ITGA7: variants seen among roughly 807,000 people sequenced by gnomAD.
The protein encoded by ITGA7 is integrin subunit alpha 7, also known as integrin alpha-7.
Under a neutral mutation model 131.6 loss-of-function variants are expected in ITGA7, and 84 were observed. That is an observed-to-expected ratio of 0.64 (90% CI 0.54 to 0.77). The LOEUF (loss-of-function observed/expected upper bound fraction) is 0.77, where lower values mean the gene tolerates loss of function less well. ITGA7 is among the 30% of genes least tolerant of loss of function. The pLI is 0.00. For missense variants in ITGA7, 1,399 were observed against 1,482.9 expected, an observed-to-expected ratio of 0.94 and a Z score of 0.93; for synonymous variants, 548 against 600.7, an observed-to-expected ratio of 0.91 and a Z score of 1.28.
At chr12:55,695,394 G>A (rs1038957665) in intron 14 of ITGA7, 128 bp downstream of exon 14, 6 of 713,482 alleles carry the variant, frequency 8.4e-6, no homozygotes, top group Non-Finnish European at 1.5e-5. Flanking sequence ...CCATCGGCAG[G>A]TCCTCTTCCA....
At chr12:55,705,349 G>C (rs1291183032) in intron 1 of ITGA7, among the ~76,000 whole-genome samples, 1 of 150,020 alleles carries the variant, frequency 6.7e-6, no homozygotes, top group Admixed American at 6.7e-5. Context: ...CAGCCACAGT[G>C]TAGCCACTGC....
At chr12:55,706,308 T>G (rs1875168544) in intron 1 of ITGA7, among the ~76,000 whole-genome samples, 1 of 151,996 alleles carries the variant, frequency 6.6e-6, no homozygotes, top group Non-Finnish European at 1.5e-5. Context: ...CCCAAAGTTT[T>G]GGGGACCACC....
chr12:55,711,941 C>T (rs558929054), upstream of ITGA7: 10 of 793,906 alleles, frequency 1.3e-5, no homozygotes, highest in African/African-American at 1.7e-4. Flanking sequence ...TTCCAGAACA[C>T]ACACTTCAGG....
At chr12:55,700,194 A>C in intron 4 of ITGA7, 1 of 1,532,986 alleles carries the variant, frequency 6.5e-7, no homozygotes, top group Non-Finnish European at 8.8e-7. Context: ...GGATGGGAGC[A>C]TGGAGAGAGA....
At chr12:55,711,956 A>T (rs1876157318), upstream of ITGA7, 1 of 893,886 alleles carries the variant, frequency 1.1e-6, no homozygotes, top group Non-Finnish European at 1.8e-6. Context: ...TTCAGGGCTA[A>T]CTTCTCCCTC....
Position 55,698,867 on chromosome 12 carries a change from A to T in ITGA7, c.841T>A (p.Phe281Ile). ...KGLVRAEELS[F>I]VAGAPRANHK... is the part of the protein sequence containing the mutation. Reference sequence around the variant, plus strand: ...TTGGCGCGGGGGGCTCCAGCCACAAAGCTCAGCTCTTCTGCACGCACCAGA... The same window carrying T: ...TTGGCGCGGGGGGCTCCAGCCACAATGCTCAGCTCTTCTGCACGCACCAGA... The change falls in exon 6 of 25, where the codon TTT (phenylalanine) becomes ATT (isoleucine). Residue 281 changes from phenylalanine to isoleucine, a missense_variant. Coordinates refer to ENST00000257879, the MANE Select transcript of ITGA7 (RefSeq NM_002206.3). 1 of 1,613,970 alleles carries T rather than the reference A, an allele frequency of 6.2e-7. No individual in the cohort carries two copies. The highest frequency in any genetic ancestry group is 1.1e-5 in the South Asian group (1 of 91,072).
At chr12:55,701,523 T>C in intron 3 of ITGA7, 1 of 1,037,870 alleles carries the variant, frequency 9.6e-7, no homozygotes, top group Non-Finnish European at 1.5e-6. Flanking sequence ...CCTGGACCTT[T>C]GTAAGTGTCA....
In ITGA7 at chr12:55,696,889, C is replaced by CA; in HGVS notation, c.1737+9dup. On this transcript the variant is annotated intron_variant, in intron 12 of 24. Transcript: ENST00000257879. Reference sequence around the variant, plus strand: ...AAATGACCCTCAGAAGCCAAGGGGTCAGTGTCCACCTGGAGCTGGAACATG... The same window carrying CA: ...AAATGACCCTCAGAAGCCAAGGGGTCAAGTGTCCACCTGGAGCTGGAACATG... 2.5e-6 allele frequency: 4 copies of CA among 1,613,926 alleles called. No individual in the cohort carries two copies. Among genetic ancestry groups the CA allele is most frequent in the Non-Finnish European group, 3.4e-6 (4 of 1,179,944 alleles).
rs201774458 is a variant in ITGA7 at position 55,697,282 on chromosome 12, G to C, written c.1506-5C>G. 6.3e-7 allele frequency: 1 copy of C among 1,591,260 alleles called. No individual in the cohort carries two copies. The highest frequency in any genetic ancestry group is 8.6e-7 in the Non-Finnish European group (1 of 1,168,918). On this transcript the variant is annotated splice_region_variant and splice_polypyrimidine_tract_variant and intron_variant, in intron 10 of 24. Transcript: ENST00000257879. ...AAACAGACCCTTAGGTCCACACTGC[G>C]GGGGCAAAGGTGGCTCCTGAGCCAA...
chr12:55,685,228 T>C lies in ITGA7; in HGVS notation c.3244A>G (p.Lys1082Glu). The change falls in exon 25 of 25, where the codon AAG becomes GAG. Residue 1082 changes from lysine to glutamate, a missense_variant. Transcript: ENST00000257879. The part of the protein sequence containing the change: ...EATVPQYHAV[K>E]IPREDRQQFK... The stretch of plus-strand genomic sequence containing the variant: ...TGCTGTCGGTCTTCCCGAGGAATCT[T>C]CACCGCATGGTACTGGGGCACGGTG... 2 of 1,614,212 alleles carry C rather than the reference T, an allele frequency of 1.2e-6. No homozygotes were observed. The highest frequency in any genetic ancestry group is 1.7e-6 in the Non-Finnish European group (2 of 1,180,028).
Position 55,707,777 on chromosome 12 carries a change from T to A in ITGA7, c.-95A>T. 6.5e-7 allele frequency: 1 copy of A among 1,534,484 alleles called. No homozygotes were observed. Among genetic ancestry groups the A allele is most frequent in the Non-Finnish European group, 8.8e-7 (1 of 1,140,018 alleles). On this transcript the variant is annotated 5_prime_UTR_variant, in exon 1 of 25. Coordinates refer to ENST00000257879, the MANE Select transcript of ITGA7 (RefSeq NM_002206.3). ...CCAGGCGCGTCTCTGGTCTCCAAAG[T>A]CTCGTTGGTCTTTCAGACGTCTCCC...
At position 55,694,503 on chromosome 12, in the gene ITGA7, A is replaced by C. The variant is rs750665175; in HGVS notation, c.2297T>G (p.Leu766Arg). ...RGAQVTFYLI[L>R]STSGISIETT... The stretch of plus-strand genomic sequence containing the variant: ...CTCAATGCTGATCCCGGAGGTGCTA[A>C]GGATGAGGTAGAAGGTGACCTAGGC... The change falls in exon 17 of 25, where the codon CTT (leucine) becomes CGT (arginine). Residue 766 changes from leucine to arginine, a missense_variant. By Grantham distance (102) the Leu-to-Arg change is moderately radical. Transcript: ENST00000257879. This position sits in a 1 kb window ranked among gnomAD's most constrained non-coding sequence, Gnocchi z 5.3. 2 of 1,614,218 alleles carry C rather than the reference A, an allele frequency of 1.2e-6. No individual in the cohort carries two copies. Among genetic ancestry groups the C allele is most frequent in the Admixed American group, 1.7e-5 (1 of 60,032 alleles).
rs763964189 is a variant in ITGA7 at position 55,688,846 on chromosome 12, C to G, written c.2956G>C (p.Glu986Gln). The change falls in exon 22 of 25, where the codon GAG becomes CAG. Residue 986 changes from glutamate (E) to glutamine (Q), a missense_variant and splice_region_variant. Glu to Gln is a conservative substitution (Grantham distance 29). Transcript: ENST00000257879. ...CTAGAGCCGAGTGGTATCCTCACCT[C>G]CAGAAAGGTGCTGTTCCAGAGACGG... is the stretch of plus-strand genomic sequence containing the variant. ...WGRLWNSTFL[E>Q]EYSAVKSLEV... The G allele has an allele frequency of 6.2e-7, 1 of 1,612,510 alleles. No homozygotes were observed.
chr12:55,708,116 C>T (rs1592499823), upstream of ITGA7: 1 of 857,938 alleles, frequency 1.2e-6, no homozygotes, highest in Non-Finnish European at 1.4e-6. Context: ...GCTCTCCTCC[C>T]CTTCTCCCCC....
chr12:55,713,599 A>G (rs1005842951), upstream of ITGA7, among the ~76,000 whole-genome samples: 1 of 152,270 alleles, frequency 6.6e-6, no homozygotes, highest in African/African-American at 2.4e-5. Context: ...TAGGGATTAA[A>G]TGAATACATA....
chr12:55,690,949 T>A (rs1871298213), intron 21 of ITGA7, among the ~76,000 whole-genome samples: 1 of 151,620 alleles, frequency 6.6e-6, no homozygotes, highest in Non-Finnish European at 1.5e-5. Flanking sequence ...AAGGGGAACA[T>A]CACACTCTGG....
intron 4 of ITGA7, 150 bp from the exon 5 acceptor site, chr12:55,700,139 G>T: frequency 7.1e-7 from 1 of 1,407,774 alleles, no homozygotes; most frequent in Non-Finnish European, 9.8e-7. Flanking sequence ...GCCAGAGACA[G>T]AAAGACAGAG....
Position 55,699,096 on chromosome 12 carries a change from C to T in ITGA7, c.791-179G>A, listed in dbSNP as rs1382800048. ...AAGATAGGTCCCCCCAAGTCATCAG[C>T]ACCACAGCTGGATAGCTCTTCCTCC... On this transcript the variant is annotated intron_variant, in intron 5 of 24. Coordinates refer to ENST00000257879, the MANE Select transcript of ITGA7 (RefSeq NM_002206.3). Among the ~76,000 whole-genome samples the T allele has an allele frequency of 2.0e-5, 3 of 152,018 alleles. No individual in the cohort carries two copies. In the East Asian group the frequency reaches 5.8e-4, roughly 29 times the overall value.
rs955528968 is a variant in ITGA7, at chr12:55,697,615, G to A, written c.1410-69C>T. ...GGCTGGGAAACACTCTTCAGCATTA[G>A]ATTTGGCACTGAGGTCGGGGTCAGA... On this transcript the variant is annotated intron_variant, in intron 9 of 24. Coordinates refer to ENST00000257879, the MANE Select transcript of ITGA7 (RefSeq NM_002206.3). The A allele has an allele frequency of 3.1e-6, 5 of 1,611,042 alleles. No homozygotes were observed. The African/African-American group carries it at 6.7e-5, about 22-fold the overall frequency.
Sources: gnomAD v4.1 joint callset for allele counts (sites outside exome capture counted in the v4.1 genomes callset) on GRCh38, gnomAD v4.1.1 for gene constraint, Gnocchi (gnomAD v3.1) non-coding constraint, MANE v1.5 for transcripts, NCBI Gene and HGNC (gene_info 2026-07-23, HGNC 2026-07-21) for gene names.